Variants in HCLS1 observed in about 807,000 individuals in gnomAD.
HCLS1 encodes the protein hematopoietic cell-specific Lyn substrate 1.
HCLS1 carries 44 observed loss-of-function variants against 68.6 expected under a neutral mutation model. The observed-to-expected ratio is 0.64, with a 90% CI of 0.50 to 0.82. The LOEUF (loss-of-function observed/expected upper bound fraction) is 0.82. Ranked by LOEUF, HCLS1 falls within the 40% of genes least tolerant of loss-of-function variation. The pLI is 0.00. For synonymous variants in HCLS1, 217 were observed against 225.8 expected, an observed-to-expected ratio of 0.96 and a Z score of 0.35; for missense variants, 602 against 612.1, an observed-to-expected ratio of 0.98 and a Z score of 0.17.
At chr3:121,655,951 A>G (rs1293174321) in intron 3 of HCLS1, 1 of 151,350 alleles carries the variant, frequency 6.6e-6, no homozygotes, top group East Asian at 1.9e-4. Flanking sequence ...TGGGTTCAAG[A>G]GACTCTCGTG....
At chr3:121,648,109 G>A (rs376456839) in intron 3 of HCLS1, among the ~76,000 whole-genome samples, 1 of 152,100 alleles carries the variant, frequency 6.6e-6, no homozygotes, top group Non-Finnish European at 1.5e-5. Flanking sequence ...AACATTAGTG[G>A]TATTTTTTAT....
At chr3:121,636,365 C>T (rs370678684) in intron 8 of HCLS1, 69 bp downstream of exon 8, 40 of 1,311,698 alleles carry the variant, frequency 3.0e-5, no homozygotes, top group African/African-American at 2.6e-4. Flanking sequence ...GCCTTCTTCA[C>T]GCTCTTCTCT....
intron 7 of HCLS1, among the ~76,000 whole-genome samples, 163 bp from the exon 8 acceptor site, chr3:121,636,652 T>C (rs1372367837): frequency 6.6e-6 from 1 of 151,472 alleles, no homozygotes; most frequent in African/African-American, 2.4e-5. Context: ...GGGAAACAGA[T>C]GGGGAAAAAA....
intron 3 of HCLS1, chr3:121,656,385 A>C (rs1028169477): frequency 6.6e-6 from 1 of 152,114 alleles, no homozygotes; most frequent in African/African-American, 2.4e-5. Context: ...TACACTATTT[A>C]TTGTGTCTAC....
rs201290743 is a variant in HCLS1 at position 121,635,237 on chromosome 3, TTCTCTCTC to T, written c.691+490_691+497del. On this transcript the variant is annotated intron_variant, in intron 9 of 13. Coordinates refer to ENST00000314583, the MANE Select transcript of HCLS1 (RefSeq NM_005335.6). ...TCTCTCTCTCTCTCTTCTCTCCCTT[TTCTCTCTC>T]TCTCTCTCTCTCTCTCTCTCTCTCT... 2.8e-3 allele frequency among the ~76,000 whole-genome samples: 321 copies of T among 114,440 alleles called. 4 individuals are homozygous for T. In the East Asian group the frequency reaches 0.029, roughly 10 times the overall value. The allele number at this position is 114,440 out of a possible 152,430, so 75.1% of individuals were successfully genotyped here.
In HCLS1 at chr3:121,634,296, T is replaced by C. The variant is rs755046173; in HGVS notation, c.814A>G (p.Thr272Ala). 4 of 1,614,084 alleles carry C rather than the reference T, an allele frequency of 2.5e-6. No individual in the cohort carries two copies. The African/African-American group carries it at 5.3e-5, about 22-fold the overall frequency. Reference protein sequence around the residue: ...ARRQQERKAVTKRSPEAPQPV... With the variant: ...ARRQQERKAVAKRSPEAPQPV... ...TGTGGAGCCTCAGGGCTCCTCTTTG[T>C]CACAGCCTTTCGCTCCTGTTGCCTC... The change falls in exon 10 of 14, where the codon ACA becomes GCA. Residue 272 changes from threonine (T) to alanine (A), a missense_variant. By Grantham distance (58) the Thr-to-Ala change is moderately conservative (BLOSUM62 0). Coordinates refer to ENST00000314583, the MANE Select transcript of HCLS1 (RefSeq NM_005335.6).
intron 11 of HCLS1, 54 bp downstream of exon 11, chr3:121,633,013 C>T (rs2049114693): frequency 3.9e-6 from 5 of 1,287,470 alleles, no homozygotes; most frequent in African/African-American, 1.5e-5. Flanking sequence ...AGCCCACATT[C>T]CTAAGACTCG....
At position 121,655,098 on chromosome 3, in the gene HCLS1, G is replaced by A. The variant is rs992520910; in HGVS notation, c.158+2181C>T. On this transcript the variant is annotated intron_variant, in intron 3 of 13. Coordinates refer to ENST00000314583, the MANE Select transcript of HCLS1 (RefSeq NM_005335.6). ...AGATTTTTTTGTCAATATCTCCATC[G>A]TTTATTCTATCTGATAGATTCAGTT... Among the ~76,000 whole-genome samples, 11 of 152,228 alleles carry A rather than the reference G, an allele frequency of 7.2e-5. No homozygotes were observed. The East Asian group carries it at 1.7e-3, about 24-fold the overall frequency.
chr3:121,653,244 G>C (rs990617698), intron 3 of HCLS1, among the ~76,000 whole-genome samples: 5 of 152,208 alleles, frequency 3.3e-5, no homozygotes, highest in Non-Finnish European at 7.3e-5. Flanking sequence ...CCCATCACAT[G>C]TAGTCAGGTG....
At position 121,632,421 on chromosome 3, in the gene HCLS1, A is replaced by G; in HGVS notation, c.1151T>C (p.Met384Thr). 1 of 1,612,016 alleles carries G rather than the reference A, an allele frequency of 6.2e-7. No individual in the cohort carries two copies. Among genetic ancestry groups the G allele is most frequent in the East Asian group, 2.2e-5 (1 of 44,862 alleles). The change falls in exon 12 of 14, where the codon ATG becomes ACG. Residue 384 changes from methionine (M) to threonine (T), a missense_variant. Physicochemically the swap from Met to Thr is moderately conservative, Grantham distance 81 (BLOSUM62 -1). Transcript: ENST00000314583. ...PENDYEDVEE[M>T]DRHEQEDEPE... ...TTCATCCTCCTGCTCATGCCTGTCC[A>G]TCTCCTCAACGTCCTCATAGTCATT... is the stretch of plus-strand genomic sequence containing the variant.
At position 121,631,793 on chromosome 3, in the gene HCLS1, C is replaced by G. The variant is rs915647986; in HGVS notation, c.*53G>C. On this transcript the variant is annotated 3_prime_UTR_variant, in exon 14 of 14. Coordinates refer to ENST00000314583, the MANE Select transcript of HCLS1 (RefSeq NM_005335.6). ...AGCAGGAATAGGGAGGGGGTGGAGG[C>G]AGAGCCACTTTGGACATGGGAAATC... The G allele has an allele frequency of 1.9e-6, 3 of 1,600,268 alleles. No individual in the cohort carries two copies. The East Asian group carries it at 6.7e-5, about 36-fold the overall frequency.
Position 121,631,890 on chromosome 3 carries a change from G to T in HCLS1, c.1417C>A (p.His473Asn). The change falls in exon 14 of 14, where the codon CAC (histidine) becomes AAC (asparagine). Residue 473 changes from histidine (H) to asparagine (N), a missense_variant. Coordinates refer to ENST00000314583, the MANE Select transcript of HCLS1 (RefSeq NM_005335.6). ...TAATTTGCAGGGAAGAGTCCAAAGTGGCCATGGCAACGTCCCCGCCACCAG... is the reference window on the plus strand; with the variant it reads ...TAATTTGCAGGGAAGAGTCCAAAGTTGCCATGGCAACGTCCCCGCCACCAG... ...EGWWRGRCHGHFGLFPANYVK... is the reference protein window; with the variant it reads ...EGWWRGRCHGNFGLFPANYVK... 1 of 1,614,166 alleles carries T rather than the reference G, an allele frequency of 6.2e-7. No individual in the cohort carries two copies.
At chr3:121,650,895 T>C (rs1477454244) in intron 3 of HCLS1, among the ~76,000 whole-genome samples, 1 of 152,144 alleles carries the variant, frequency 6.6e-6, no homozygotes, top group East Asian at 1.9e-4. Context: ...CTCAGCACTT[T>C]GGGAGGTCAA....
intron 3 of HCLS1, among the ~76,000 whole-genome samples, chr3:121,650,262 T>G (rs1194194865): frequency 6.6e-6 from 1 of 152,194 alleles, no homozygotes; most frequent in Non-Finnish European, 1.5e-5. Context: ...GATCTATAGA[T>G]TCAATGCAAT....
Position 121,634,355 on chromosome 3 carries a change from C to T in HCLS1, c.755G>A (p.Arg252Gln), listed in dbSNP as rs140445778. 62 of 1,614,008 alleles carry T rather than the reference C, an allele frequency of 3.8e-5. No homozygotes were observed. The highest frequency in any genetic ancestry group is 3.5e-5 in the Non-Finnish European group (41 of 1,179,980). The change falls in exon 10 of 14, where the codon CGA becomes CAA. Residue 252 changes from arginine (R) to glutamine (Q), a missense_variant. Transcript: ENST00000314583. Reference sequence around the variant, plus strand: ...CTGCTGTGCCTTCTCCTCTTCCTCTCGCTTCCTCTTCTCCTCAGCCATGGA... The same window carrying T: ...CTGCTGTGCCTTCTCCTCTTCCTCTTGCTTCCTCTTCTCCTCAGCCATGGA... ...FESMAEEKRK[R>Q]EEEEKAQQVA...
At chr3:121,647,515 A>G in intron 3 of HCLS1, 67 bp from the exon 4 acceptor site, 1 of 1,570,708 alleles carries the variant, frequency 6.4e-7, no homozygotes, top group South Asian at 1.1e-5. Flanking sequence ...CTTCCCAGAA[A>G]AATGGAAGCC....
At chr3:121,632,610 G>T (rs1271820888) in intron 11 of HCLS1, 47 bp from the exon 12 acceptor site, 12 of 1,551,070 alleles carry the variant, frequency 7.7e-6, no homozygotes, top group Non-Finnish European at 1.1e-5. Context: ...TTTCCAGGAG[G>T]AATCAATGGA....
intron 6 of HCLS1, among the ~76,000 whole-genome samples, chr3:121,639,240 C>G (rs1295424680): frequency 6.6e-6 from 1 of 152,014 alleles, no homozygotes; most frequent in African/African-American, 2.4e-5. Flanking sequence ...AACACTATAC[C>G]CCAAACTACA....
chr3:121,646,426 A>ATGTAATATAATGTAT (rs1937606890), intron 4 of HCLS1, among the ~76,000 whole-genome samples: 1 of 101,382 alleles, frequency 9.9e-6, no homozygotes, highest in Admixed American at 1.4e-4. Context: ...AATATGTAAT[A>ATGTAATATAATGTAT]TAATGTATTA....
Sources: allele counts gnomAD v4.1 joint callset (sites outside exome capture counted in the v4.1 genomes callset), GRCh38; gene constraint gnomAD v4.1.1; transcripts MANE v1.5; gene names NCBI Gene and HGNC (gene_info 2026-07-23, HGNC 2026-07-21).